Variants in PPM1B observed in about 807,000 individuals in gnomAD.
The protein encoded by PPM1B is protein phosphatase 1B.
In PPM1B, 22 loss-of-function variants were observed where a neutral mutation model predicts 43.0. The ratio of observed to expected loss-of-function variants is 0.51; its 90% CI spans 0.37 to 0.73. The LOEUF is 0.73. PPM1B is among the 30% of genes least tolerant of loss of function. PPM1B has a pLI of 0.00. For synonymous variants in PPM1B, 217 were observed against 197.9 expected, an observed-to-expected ratio of 1.10 and a Z score of -0.81; for missense variants, 632 against 584.2, an observed-to-expected ratio of 1.08 and a Z score of -0.84.
chr2:44,198,777 A>G (rs532424182), intron 1 of PPM1B, among the ~76,000 whole-genome samples: 12 of 152,314 alleles, frequency 7.9e-5, no homozygotes, highest in South Asian at 6.2e-4. Flanking sequence ...CTGCCCCATC[A>G]TGCTCTTAAG....
intron 1 of PPM1B, among the ~76,000 whole-genome samples, chr2:44,199,690 T>A (rs1020962056): frequency 2.6e-5 from 4 of 152,178 alleles, no homozygotes; most frequent in African/African-American, 9.7e-5. Flanking sequence ...TACATTGCTC[T>A]CAGTACAAAA....
chr2:44,217,737 A>C (rs1166133240), intron 3 of PPM1B: 11 of 288,842 alleles, frequency 3.8e-5, no homozygotes, highest in Non-Finnish European at 6.4e-5. Context: ...ATAATGCTGG[A>C]ATGAACATAC....
At chr2:44,183,092 G>A (rs1667958339) in intron 1 of PPM1B, among the ~76,000 whole-genome samples, 1 of 152,172 alleles carries the variant, frequency 6.6e-6, no homozygotes, top group Admixed American at 6.6e-5. Flanking sequence ...CTCATCTCAG[G>A]ATCTTCAGAA....
intron 3 of PPM1B, among the ~76,000 whole-genome samples, chr2:44,209,847 A>C (rs1007026144): frequency 6.6e-6 from 1 of 152,096 alleles, no homozygotes; most frequent in Non-Finnish European, 1.5e-5. Flanking sequence ...AAACACATCT[A>C]TCTGTCTAAA....
At chr2:44,220,642 C>G (rs1669937344) in intron 5 of PPM1B, among the ~76,000 whole-genome samples, 1 of 152,176 alleles carries the variant, frequency 6.6e-6, no homozygotes, top group South Asian at 2.1e-4. Flanking sequence ...ACCTGTGTGT[C>G]TAGTGCAGCT....
At chr2:44,191,687 G>A (rs142130405) in intron 1 of PPM1B, among the ~76,000 whole-genome samples, 169 of 152,126 alleles carry the variant, frequency 1.1e-3, no homozygotes, top group African/African-American at 4.0e-3. Context: ...TTGTATATAT[G>A]TGAAAATTTC....
intron 1 of PPM1B, among the ~76,000 whole-genome samples, chr2:44,183,250 A>G (rs1251303727): frequency 2.6e-5 from 4 of 152,164 alleles, no homozygotes; most frequent in African/African-American, 7.2e-5. Flanking sequence ...GACCACCACT[A>G]CCATCTTAGA....
intron 3 of PPM1B, among the ~76,000 whole-genome samples, chr2:44,214,085 T>G (rs1461352742): frequency 6.6e-6 from 1 of 151,844 alleles, no homozygotes; most frequent in Non-Finnish European, 1.5e-5. Flanking sequence ...AACCATAGAG[T>G]TTTTTGTTTT....
chr2:44,202,715 T>A (rs754500669), intron 2 of PPM1B, among the ~76,000 whole-genome samples: 13 of 152,312 alleles, frequency 8.5e-5, no homozygotes, highest in Middle Eastern at 3.4e-3. Context: ...AACATAATCT[T>A]GTGAAAAATT....
At chr2:44,212,005 C>A (rs1669494168) in intron 3 of PPM1B, among the ~76,000 whole-genome samples, 2 of 152,118 alleles carry the variant, frequency 1.3e-5, no homozygotes, top group South Asian at 4.1e-4. Context: ...CCGCCTTGGC[C>A]TCCCAAAGTG....
In PPM1B at chr2:44,230,441, C is replaced by T; in HGVS notation, c.1163C>T (p.Ser388Leu). The T allele has an allele frequency of 6.2e-7, 1 of 1,614,030 alleles. No homozygotes were observed. Among genetic ancestry groups the T allele is most frequent in the Non-Finnish European group, 8.5e-7 (1 of 1,179,982 alleles). The change falls in exon 6 of 6, where the codon TCA becomes TTA. Residue 388 changes from serine (S) to leucine (L), a missense_variant. Physicochemically the swap from Ser to Leu is moderately radical, Grantham distance 145 (BLOSUM62 -2). Around this residue, in one of 3 missense-constraint regions of PPM1B, gnomAD observed 392 missense variants for 302.7 expected, o/e 1.29. Coordinates refer to ENST00000282412, the MANE Select transcript of PPM1B (RefSeq NM_002706.6). ...TCCGATGAAGCAGAGGAAAGTGGAT[C>T]ACAGGGAAAATTGGTGGAAGCTCTC... ...GASDEAEESG[S>L]QGKLVEALRQ...
intron 1 of PPM1B, among the ~76,000 whole-genome samples, chr2:44,170,172 G>A (rs1473855658): frequency 1.3e-5 from 2 of 151,902 alleles, no homozygotes; most frequent in East Asian, 3.8e-4. Context: ...CATCTTATTC[G>A]GCAAAAAAAG....
At chr2:44,189,332 A>G (rs1381193532) in intron 1 of PPM1B, among the ~76,000 whole-genome samples, 1 of 152,198 alleles carries the variant, frequency 6.6e-6, no homozygotes, top group Non-Finnish European at 1.5e-5. Context: ...TCTATAACTT[A>G]GTTTCACCCT....
chr2:44,227,922 C>CTTTTT (rs59259343), intron 5 of PPM1B, among the ~76,000 whole-genome samples: 4 of 106,796 alleles, frequency 3.7e-5, no homozygotes, highest in East Asian at 2.8e-4. Context: ...TTTTTCTTTT[C>CTTTTT]TTTTTTTTTT....
intron 1 of PPM1B, among the ~76,000 whole-genome samples, chr2:44,188,518 C>T (rs915112985): frequency 4.0e-5 from 6 of 151,604 alleles, no homozygotes; most frequent in African/African-American, 1.5e-4. Context: ...ATCTCAGCCT[C>T]CTGAATTGGC....
chr2:44,230,863 C>G lies in PPM1B; in HGVS notation c.*145C>G, dbSNP rs996080043. Reference sequence around the variant, plus strand: ...AGATAGCCTTGTTTTTTAAAAAGGCCTTTGCATACACCTTTATGAGATAGT... The same window carrying G: ...AGATAGCCTTGTTTTTTAAAAAGGCGTTTGCATACACCTTTATGAGATAGT... On this transcript the variant is annotated 3_prime_UTR_variant, in exon 6 of 6. Transcript: ENST00000282412. 7.1e-7 allele frequency: 1 copy of G among 1,414,082 alleles called. No homozygotes were observed. Among genetic ancestry groups the G allele is most frequent in the Non-Finnish European group, 9.3e-7 (1 of 1,074,428 alleles). The allele number at this position is 1,414,082 out of a possible 1,614,324, so 87.6% of individuals were successfully genotyped here.
chr2:44,218,413 T>G, intron 4 of PPM1B, 67 bp from the exon 5 acceptor site: 5 of 1,208,430 alleles, frequency 4.1e-6, no homozygotes, highest in Non-Finnish European at 6.0e-6. Context: ...GGATGAAATA[T>G]TGAGATATTC....
chr2:44,172,236 G>A (rs1366180014), intron 1 of PPM1B, among the ~76,000 whole-genome samples: 1 of 152,100 alleles, frequency 6.6e-6, no homozygotes, highest in Non-Finnish European at 1.5e-5. Context: ...ATTAATTTCA[G>A]AATTGGAATG....
downstream of PPM1B, chr2:44,233,503 G>C (rs1188354534): frequency 1.0e-6 from 1 of 985,034 alleles, no homozygotes; most frequent in Non-Finnish European, 1.2e-6. Context: ...TCTGAAAGAA[G>C]TTTCTGGGTT....
Sources: gnomAD v4.1 joint callset for allele counts (sites outside exome capture counted in the v4.1 genomes callset) on GRCh38, gnomAD v4.1.1 for gene constraint, gnomAD v4.1.1 regional missense constraint, MANE v1.5 for transcripts, NCBI Gene and HGNC (gene_info 2026-07-23, HGNC 2026-07-21) for gene names.